The following POU2F2 variants were observed in gnomAD, a reference collection of about 807,000 sequenced individuals.
The protein encoded by POU2F2 is POU domain, class 2, transcription factor 2.
Under a neutral mutation model 63.5 loss-of-function variants are expected in POU2F2, and 14 were observed. That is an observed-to-expected ratio of 0.22 (90% confidence interval 0.15 to 0.34). The LOEUF (loss-of-function observed/expected upper bound fraction) is 0.34. Among genes scored for constraint, POU2F2 ranks in the 10% least tolerant of loss-of-function variants. The pLI is 1.00. For synonymous variants in POU2F2, 306 were observed against 348.6 expected (o/e 0.88, Z 1.36); for missense variants, 607 against 815.2 (o/e 0.74, Z 3.11).
At chr19:42,115,218 A>G (rs954282179) in intron 5 of POU2F2, among the ~76,000 whole-genome samples, 1 of 152,220 alleles carries the variant, frequency 6.6e-6, no homozygotes, top group Admixed American at 6.5e-5. Context: ...GTGTCTCCAC[A>G]GAACCAGGCC....
chr19:42,125,300 T>C (rs760640078), intron 1 of POU2F2, among the ~76,000 whole-genome samples: 70 of 145,634 alleles, frequency 4.8e-4, no homozygotes, highest in Non-Finnish European at 9.2e-4. Context: ...AGATTGAGGC[T>C]ACAGTGAGCC....
intron 2 of POU2F2, among the ~76,000 whole-genome samples, chr19:42,147,021 G>A (rs1359965863): frequency 6.6e-6 from 1 of 152,172 alleles, no homozygotes; most frequent in Non-Finnish European, 1.5e-5. Flanking sequence ...TTCCATGCCT[G>A]TCTCAGATAG....
At chr19:42,127,201 T>C (rs1373440128) in intron 1 of POU2F2, among the ~76,000 whole-genome samples, 1 of 151,886 alleles carries the variant, frequency 6.6e-6, no homozygotes, top group Non-Finnish European at 1.5e-5. Flanking sequence ...ATGATCCTCA[T>C]GCCTTGGCCT....
intron 5 of POU2F2, among the ~76,000 whole-genome samples, chr19:42,103,618 G>T (rs1210392876): frequency 1.3e-5 from 2 of 151,122 alleles, no homozygotes; most frequent in East Asian, 3.9e-4. Context: ...CAACAGAAGG[G>T]GCTCGTTTCT....
At chr19:42,176,719 C>T (rs993475575), upstream of POU2F2, among the ~76,000 whole-genome samples, 1 of 151,410 alleles carries the variant, frequency 6.6e-6, no homozygotes, top group South Asian at 2.1e-4. Flanking sequence ...CAAGCTGACC[C>T]CCCCCATCCC....
intron 1 of POU2F2, among the ~76,000 whole-genome samples, chr19:42,130,856 C>T (rs918314459): frequency 6.6e-6 from 1 of 151,246 alleles, no homozygotes; most frequent in Admixed American, 6.6e-5. Context: ...AATACCTCCC[C>T]GTCCTGGCCC....
Position 42,087,134 on chromosome 19 carries a change from G to A in POU2F2, c.*4123C>T, listed in dbSNP as rs575441953. 1.5e-4 allele frequency: 21 copies of A among 141,700 alleles called. No homozygotes were observed. In the East Asian group the frequency reaches 3.1e-3, roughly 21 times the overall value. 8.8% of individuals were successfully genotyped at this position (141,700 alleles called of 1,614,324 possible). A position where few individuals can be genotyped will look rare whatever the true frequency, so the allele number is the denominator to read the frequency against. ...ATATAAAAAGGTAGCGGAGTTGTCT[G>A]TGGGTTTTTTTTTTTTTTTAAATGG... On this transcript the variant is annotated 3_prime_UTR_variant, in exon 15 of 15. Coordinates refer to ENST00000692977, the MANE Select transcript of POU2F2 (RefSeq NM_001394376.1).
intron 1 of POU2F2, among the ~76,000 whole-genome samples, chr19:42,163,214 C>T (rs916233663): frequency 2.6e-5 from 4 of 152,118 alleles, no homozygotes; most frequent in African/African-American, 9.7e-5. Context: ...CACAAAGGGC[C>T]ATGGGGCTCC....
At chr19:42,129,684 G>A (rs948871720) in intron 1 of POU2F2, among the ~76,000 whole-genome samples, 33 of 152,230 alleles carry the variant, frequency 2.2e-4, no homozygotes, top group African/African-American at 6.0e-4. Context: ...TGGTGCTGCC[G>A]GGAACCTCTG....
At chr19:42,187,780 A>G (rs112169306) in intron 1 of POU2F2, among the ~76,000 whole-genome samples, 2 of 150,832 alleles carry the variant, frequency 1.3e-5, no homozygotes, top group African/African-American at 4.9e-5. Flanking sequence ...AAAAAAAAAA[A>G]CAGGTGGGCA....
rs1243960680 is a variant in POU2F2, at chr19:42,152,544, C to T, written c.-9+7788G>A. Reference sequence around the variant, plus strand: ...GCTGGCTGCCTGCCTCTGCCTCTCTCTCTCTCCCTTGCTTGCCTTGCTTCC... The same window carrying T: ...GCTGGCTGCCTGCCTCTGCCTCTCTTTCTCTCCCTTGCTTGCCTTGCTTCC... On this transcript the variant is annotated intron_variant, in intron 2 of 6. Coordinates refer to the POU2F2 transcript ENST00000524801. The surrounding 1 kb of genome is among the most constrained non-coding windows in gnomAD (Gnocchi z 4.1). The T allele has an allele frequency of 3.3e-5, 5 of 152,900 alleles. No individual in the cohort carries two copies. Among genetic ancestry groups the T allele is most frequent in the Non-Finnish European group, 5.8e-5 (4 of 68,698 alleles). The allele number at this position is 152,900 out of a possible 1,614,324, so 9.5% of individuals were successfully genotyped here.
Position 42,090,970 on chromosome 19 carries a change from G to GTT in POU2F2, c.*285_*286dup, listed in dbSNP as rs750309216. ...TTTTTTGGTTTGTTTGATTTTGTGGGTTTTTTTTTTTTTTGGTTTGTTTTT... is the reference window on the plus strand; with the variant it reads ...TTTTTTGGTTTGTTTGATTTTGTGGGTTTTTTTTTTTTTTTTGGTTTGTTTTT... On this transcript the variant is annotated 3_prime_UTR_variant, in exon 15 of 15. Coordinates refer to ENST00000692977, the MANE Select transcript of POU2F2 (RefSeq NM_001394376.1). This position sits in a 1 kb window ranked among gnomAD's most constrained non-coding sequence, Gnocchi z 4.4. The GTT allele has an allele frequency of 5.3e-4, 108 of 205,282 alleles. No individual in the cohort carries two copies. The highest frequency in any genetic ancestry group is 1.5e-3 in the Middle Eastern group (1 of 648). 12.7% of individuals were successfully genotyped at this position (205,282 alleles called of 1,614,324 possible).
chr19:42,172,679 A>T (rs547856832), intron 1 of POU2F2, among the ~76,000 whole-genome samples: 1 of 152,230 alleles, frequency 6.6e-6, no homozygotes, highest in Non-Finnish European at 1.5e-5. Flanking sequence ...GTGTTTGAAC[A>T]GGCCCAGCCC....
At chr19:42,190,683 G>C (rs980719805) in intron 1 of POU2F2, among the ~76,000 whole-genome samples, 2 of 152,072 alleles carry the variant, frequency 1.3e-5, no homozygotes, top group Non-Finnish European at 2.9e-5. Context: ...GTGAAAGCCT[G>C]TCTCTATTAA....
intron 5 of POU2F2, among the ~76,000 whole-genome samples, chr19:42,111,502 T>C (rs768598849): frequency 2.7e-4 from 41 of 152,230 alleles, no homozygotes; most frequent in Non-Finnish European, 3.5e-4. Context: ...ATCTGCTTAG[T>C]TGATGTTCCC....
Position 42,122,372 on chromosome 19 carries a change from T to G in POU2F2, c.101A>C (p.Glu34Ala). The change falls in exon 3 of 15, where the codon GAA becomes GCA. Residue 34 changes from glutamate (E) to alanine (A), a missense_variant. Glu to Ala is a moderately radical substitution (Grantham distance 107, BLOSUM62 -1). Transcript: ENST00000692977. ...ATGATTAGTGTCTGGTCCATTTCTT[T>G]CGGTGTCTGCAAAGAGAGGGAAAGG... ...LDSPSEHTDTERNGPDTNHQN... is the reference protein window; with the variant it reads ...LDSPSEHTDTARNGPDTNHQN... 1 of 1,612,774 alleles carries G rather than the reference T, an allele frequency of 6.2e-7. No individual in the cohort carries two copies. Among genetic ancestry groups the G allele is most frequent in the Middle Eastern group, 1.7e-4 (1 of 6,058 alleles).
Position 42,095,451 on chromosome 19 carries a change from A to G in POU2F2, c.1032T>C (p.Pro344=). ...CGATCAGCAGGATCTCCTCTGAGGT[A>G]GGCTTCTGGTTCTGCAGGCAGAGGG... The part of the protein sequence containing the change: ...LEKSFLANQK[P]TSEEILLIAE... The change falls in exon 11 of 15, where the codon CCT becomes CCC. Residue 344 remains proline (P), a synonymous_variant. Transcript: ENST00000692977. The surrounding 1 kb of genome is among the most constrained non-coding windows in gnomAD (Gnocchi z 7.1). 1.2e-6 allele frequency: 2 copies of G among 1,612,992 alleles called. No individual in the cohort carries two copies. The highest frequency in any genetic ancestry group is 1.7e-6 in the Non-Finnish European group (2 of 1,179,916).
At chr19:42,133,983 T>G (rs1364283754), upstream of POU2F2, among the ~76,000 whole-genome samples, 3 of 149,412 alleles carry the variant, frequency 2.0e-5, no homozygotes, top group African/African-American at 7.4e-5. This position sits in a 1 kb window ranked among gnomAD's most constrained non-coding sequence, Gnocchi z 5.1. Context: ...AGGTGACCGT[T>G]TCCCGGCATC....
At position 42,091,385 on chromosome 19, in the gene POU2F2, T is replaced by C; in HGVS notation, c.1747A>G (p.Ser583Gly). The change falls in exon 15 of 15, where the codon AGC becomes GGC. Residue 583 changes from serine to glycine, a missense_variant. Transcript: ENST00000692977. ...AAAAVAASIS[S>G]KSPGLSSSSS... ...GAGGAGGAGAGGCCAGGAGACTTGC[T>C]GGAGATGGAGGCTGCCACAGCCGCA... 6.5e-7 allele frequency: 1 copy of C among 1,543,260 alleles called. No homozygotes were observed. Among genetic ancestry groups the C allele is most frequent in the Non-Finnish European group, 8.7e-7 (1 of 1,146,848 alleles).
Sources: allele counts gnomAD v4.1 joint callset (sites outside exome capture counted in the v4.1 genomes callset), GRCh38; gene constraint gnomAD v4.1.1; non-coding constraint Gnocchi (gnomAD v3.1); transcripts MANE v1.5; gene names NCBI Gene and HGNC (gene_info 2026-07-23, HGNC 2026-07-21).